ARHGAP12: variants seen among roughly 807,000 people sequenced by gnomAD.
ARHGAP12 encodes the protein rho GTPase-activating protein 12.
In ARHGAP12, 64 loss-of-function variants were observed where a neutral mutation model predicts 108.6. The ratio of observed to expected loss-of-function variants is 0.59; its 90% CI spans 0.48 to 0.73. The LOEUF (loss-of-function observed/expected upper bound fraction) is 0.73. Ranked by LOEUF, ARHGAP12 falls within the 30% of genes least tolerant of loss-of-function variation. The pLI, the probability that ARHGAP12 is intolerant of heterozygous loss-of-function variation, is 0.00. For missense variants in ARHGAP12, 940 were observed against 1,005.9 expected, an observed-to-expected ratio of 0.93 and a Z score of 0.89; for synonymous variants, 312 against 337.2, an observed-to-expected ratio of 0.93 and a Z score of 0.82.
chr10:31,916,929 CTTAA>C (rs1839581223), intron 1 of ARHGAP12, among the ~76,000 whole-genome samples: 1 of 151,944 alleles, frequency 6.6e-6, no homozygotes, highest in Non-Finnish European at 1.5e-5. Context: ...CATAATGTAT[CTTAA>C]TTAGTGAGCT....
intron 4 of ARHGAP12, among the ~76,000 whole-genome samples, chr10:31,858,596 G>A (rs1485948537): frequency 6.6e-6 from 1 of 152,118 alleles, no homozygotes; most frequent in Non-Finnish European, 1.5e-5. Flanking sequence ...GAGATCAGTA[G>A]CACGTCTCCC....
At chr10:31,807,910 C>T (rs1834875960) in intron 19 of ARHGAP12, 78 bp from the exon 20 acceptor site, 2 of 1,114,760 alleles carry the variant, frequency 1.8e-6, no homozygotes, top group East Asian at 2.7e-5. Flanking sequence ...ATAAACCTAA[C>T]AGTTTGCATT....
intron 14 of ARHGAP12, 143 bp downstream of exon 14, chr10:31,814,116 A>G (rs1835114750): frequency 3.0e-6 from 2 of 658,860 alleles, no homozygotes; most frequent in Non-Finnish European, 5.4e-6. Flanking sequence ...GAGCGCTGAC[A>G]CACTGAGACT....
intron 1 of ARHGAP12, among the ~76,000 whole-genome samples, chr10:31,911,925 T>C (rs1302749678): frequency 6.6e-6 from 1 of 152,144 alleles, no homozygotes; most frequent in Non-Finnish European, 1.5e-5. Context: ...TATTAATACA[T>C]AATAACCAAA....
At chr10:31,892,824 T>C (rs1024824511) in intron 3 of ARHGAP12, among the ~76,000 whole-genome samples, 17 of 152,144 alleles carry the variant, frequency 1.1e-4, no homozygotes, top group African/African-American at 3.9e-4. Flanking sequence ...ATCGTACTTA[T>C]TCCAAAATTG....
At chr10:31,809,837 CAG>C (rs1452030669) in intron 16 of ARHGAP12, among the ~76,000 whole-genome samples, 10 of 152,004 alleles carry the variant, frequency 6.6e-5, no homozygotes, top group Admixed American at 3.3e-4. Context: ...ATATGTGAAA[CAG>C]AATCATCTGA....
At chr10:31,848,741 T>C (rs1836559694) in intron 6 of ARHGAP12, among the ~76,000 whole-genome samples, 1 of 152,228 alleles carries the variant, frequency 6.6e-6, no homozygotes, top group Non-Finnish European at 1.5e-5. Flanking sequence ...ATTCTGATCA[T>C]CCACAGCATA....
At chr10:31,855,763 T>C (rs748358992) in intron 4 of ARHGAP12, among the ~76,000 whole-genome samples, 5 of 152,212 alleles carry the variant, frequency 3.3e-5, no homozygotes, top group East Asian at 3.8e-4. Flanking sequence ...TTCAAAGATA[T>C]GACTTTCTAG....
chr10:31,864,902 A>C (rs931776025), intron 3 of ARHGAP12, among the ~76,000 whole-genome samples: 2 of 152,238 alleles, frequency 1.3e-5, no homozygotes, highest in Non-Finnish European at 2.9e-5. Context: ...CTAGAGCTAC[A>C]CATGGGACAC....
chr10:31,881,865 T>C (rs538301537), intron 3 of ARHGAP12, among the ~76,000 whole-genome samples: 2 of 151,676 alleles, frequency 1.3e-5, no homozygotes, highest in African/African-American at 4.8e-5. Context: ...ATAGGAGAAA[T>C]AAGTGTTTCA....
chr10:31,843,320 T>G (rs1592279115), intron 7 of ARHGAP12, 141 bp downstream of exon 7: 7 of 937,602 alleles, frequency 7.5e-6, no homozygotes, highest in Non-Finnish European at 1.1e-5. Context: ...TACATGCAGA[T>G]CAAAAGCTTA....
chr10:31,910,300 A>G (rs1839291173), intron 2 of ARHGAP12, among the ~76,000 whole-genome samples: 1 of 152,148 alleles, frequency 6.6e-6, no homozygotes, highest in African/African-American at 2.4e-5. Flanking sequence ...CAACCTACTA[A>G]TTTTCTATAG....
At chr10:31,898,192 A>C (rs1167460891) in intron 3 of ARHGAP12, among the ~76,000 whole-genome samples, 1 of 152,194 alleles carries the variant, frequency 6.6e-6, no homozygotes, top group Non-Finnish European at 1.5e-5. Context: ...ACCTCTACCT[A>C]AACTATATAA....
intron 1 of ARHGAP12, among the ~76,000 whole-genome samples, chr10:31,925,258 T>C (rs1160994165): frequency 6.6e-6 from 1 of 152,204 alleles, no homozygotes. Flanking sequence ...CCAAACAAGC[T>C]GTAGCAGTAC....
intron 9 of ARHGAP12, among the ~76,000 whole-genome samples, chr10:31,838,536 A>C (rs1056180750): frequency 1.3e-5 from 2 of 151,948 alleles, no homozygotes; most frequent in South Asian, 4.2e-4. Context: ...TTTTTAAAAA[A>C]TTAGCCAAGC....
intron 9 of ARHGAP12, among the ~76,000 whole-genome samples, chr10:31,835,926 G>A (rs997419364): frequency 6.6e-6 from 1 of 152,096 alleles, no homozygotes; most frequent in East Asian, 1.9e-4. Context: ...TAACAGAGGT[G>A]ATAGCCACAC....
chr10:31,893,898 T>C (rs9665701), intron 3 of ARHGAP12, among the ~76,000 whole-genome samples: 83,989 of 152,038 alleles, frequency 0.55, 24,165 homozygotes, highest in African/African-American at 0.71. Flanking sequence ...GCTTATCCAC[T>C]ACGATCAAGT....
At chr10:31,842,449 CAAACTAG>C (rs764265784) in intron 7 of ARHGAP12, among the ~76,000 whole-genome samples, 8 of 152,060 alleles carry the variant, frequency 5.3e-5, no homozygotes, top group Non-Finnish European at 8.8e-5. Flanking sequence ...AAGATCCTTA[CAAACTAG>C]AAACTAGAAA....
Position 31,833,875 on chromosome 10 carries a change from T to C in ARHGAP12, c.1387-2075A>G, listed in dbSNP as rs534104133. 3.9e-5 allele frequency among the ~76,000 whole-genome samples: 6 copies of C among 152,116 alleles called. No individual in the cohort carries two copies. In the East Asian group the frequency reaches 9.7e-4, roughly 25 times the overall value. On this transcript the variant is annotated intron_variant, in intron 9 of 19. Coordinates refer to ENST00000344936, the MANE Select transcript of ARHGAP12 (RefSeq NM_018287.7). ...GAAGGATTTTAAATTCCCCCAAGTA[T>C]TGGGTGAGGTGGAGAAGTGGCAAGA...
Sources: gnomAD v4.1 joint callset for allele counts (sites outside exome capture counted in the v4.1 genomes callset) on GRCh38, gnomAD v4.1.1 for gene constraint, MANE v1.5 for transcripts, NCBI Gene and HGNC (gene_info 2026-07-23, HGNC 2026-07-21) for gene names.